Variants in SNX29 observed in about 807,000 individuals in gnomAD.
SNX29 encodes the protein sorting nexin 29.
In SNX29, 78 loss-of-function variants were observed where a neutral mutation model predicts 102.1. That is an observed-to-expected ratio of 0.76 (90% CI 0.64 to 0.92). SNX29 has a LOEUF of 0.92. SNX29 is among the 40% of genes least tolerant of loss of function. The pLI is 0.00. For missense variants in SNX29, 1,280 were observed against 1,061.7 expected (o/e 1.21, Z -2.86); for synonymous variants, 580 against 414.5 (o/e 1.40, Z -4.85).
intron 1 of SNX29, among the ~76,000 whole-genome samples, chr16:11,997,168 A>C (rs550688853): frequency 2.6e-5 from 4 of 151,746 alleles, no homozygotes; most frequent in African/African-American, 9.7e-5. Flanking sequence ...CTTTCCTTCC[A>C]CTTTTTTGCT....
chr16:12,126,716 TGAG>T lies in SNX29; in HGVS notation c.1466+23_1466+25del. ...GAACAGGTACCGTGATTTTCAGGCT[TGAG>T]GAATAGCCTCTTTCTTTGACATTCT... On this transcript the variant is annotated intron_variant, in intron 12 of 20. Coordinates refer to ENST00000566228, the MANE Select transcript of SNX29 (RefSeq NM_032167.5). 1 of 1,613,276 alleles carries T rather than the reference TGAG, an allele frequency of 6.2e-7. No individual in the cohort carries two copies. Among genetic ancestry groups the T allele is most frequent in the South Asian group, 1.1e-5 (1 of 90,884 alleles).
chr16:12,176,459 C>T (rs111419905), intron 13 of SNX29, among the ~76,000 whole-genome samples: 1 of 152,270 alleles, frequency 6.6e-6, no homozygotes, highest in East Asian at 1.9e-4. Flanking sequence ...TCCATAGATT[C>T]AACCAACTGC....
chr16:12,121,879 A>G (rs959303200), intron 11 of SNX29, among the ~76,000 whole-genome samples: 3 of 151,874 alleles, frequency 2.0e-5, no homozygotes, highest in Non-Finnish European at 4.4e-5. Context: ...GCTCACTGCA[A>G]CCTCCACCTC....
chr16:12,238,144 T>A (rs1026798281), intron 14 of SNX29, among the ~76,000 whole-genome samples: 1 of 151,958 alleles, frequency 6.6e-6, no homozygotes, highest in Non-Finnish European at 1.5e-5. Context: ...CTTTTAAAAA[T>A]CATTGTGGTA....
intron 3 of SNX29, among the ~76,000 whole-genome samples, chr16:12,003,528 C>G (rs926954930): frequency 6.6e-6 from 1 of 152,100 alleles, no homozygotes; most frequent in African/African-American, 2.4e-5. Flanking sequence ...TATGTTATAA[C>G]AAGAGCAGGA....
intron 8 of SNX29, among the ~76,000 whole-genome samples, chr16:12,056,218 A>T (rs2050515324): frequency 1.3e-5 from 2 of 152,180 alleles, no homozygotes; most frequent in South Asian, 2.1e-4. Context: ...CTTTGAGGAG[A>T]TGCTGCTTGC....
chr16:12,511,258 C>G (rs1169518225), intron 19 of SNX29, among the ~76,000 whole-genome samples: 1 of 152,198 alleles, frequency 6.6e-6, no homozygotes, highest in Non-Finnish European at 1.5e-5. Flanking sequence ...AGAGGCAGGA[C>G]AGCCTCATAC....
intron 20 of SNX29, among the ~76,000 whole-genome samples, chr16:12,539,124 T>C (rs1007601795): frequency 6.6e-6 from 1 of 151,754 alleles, no homozygotes; most frequent in Non-Finnish European, 1.5e-5. Flanking sequence ...TCACAAAAAA[T>C]TTTTAATTTA....
At chr16:12,121,092 C>T (rs1011112448) in intron 11 of SNX29, among the ~76,000 whole-genome samples, 1 of 152,206 alleles carries the variant, frequency 6.6e-6, no homozygotes, top group African/African-American at 2.4e-5. Context: ...CGCATCTTAC[C>T]TTTGATCATT....
At chr16:11,990,822 C>T (rs965220199) in intron 1 of SNX29, among the ~76,000 whole-genome samples, 2 of 152,144 alleles carry the variant, frequency 1.3e-5, no homozygotes, top group South Asian at 4.1e-4. Context: ...ACCATCTAAC[C>T]GCACGGTGGC....
intron 19 of SNX29, among the ~76,000 whole-genome samples, chr16:12,524,468 C>T (rs1310257817): frequency 4.6e-5 from 7 of 151,462 alleles, no homozygotes. Context: ...AGGAACACAC[C>T]AGATAGAGGT....
chr16:12,105,199 C>CCCTT (rs2053180143), intron 11 of SNX29, among the ~76,000 whole-genome samples: 1 of 135,882 alleles, frequency 7.4e-6, no homozygotes, highest in African/African-American at 2.6e-5. Context: ...CTTCCTTCCT[C>CCCTT]CCTTCCTCCC....
chr16:12,561,888 G>T lies in SNX29; in HGVS notation c.2319-6618G>T, dbSNP rs145434061. Among the ~76,000 whole-genome samples the T allele has an allele frequency of 2.3e-3, 344 of 152,280 alleles. 17 individuals are homozygous for T. The East Asian group carries it at 0.051, about 23-fold the overall frequency. ...CTTATGGGCTGTCTCCTAGGTGACC[G>T]TGGCATCCCAGGAGTTCCTTCTCCA... On this transcript the variant is annotated intron_variant, in intron 20 of 20. Coordinates refer to ENST00000566228, the MANE Select transcript of SNX29 (RefSeq NM_032167.5).
At position 12,031,904 on chromosome 16, in the gene SNX29, G is replaced by A. The variant is rs1408595157; in HGVS notation, c.247+4460G>A. On this transcript the variant is annotated intron_variant, in intron 4 of 20. Transcript: ENST00000566228. ...TTGAAGTGTACAATTCAGTGTAAGTGTACTTAATGTACATTCACATGTCAT... is the reference window on the plus strand; with the variant it reads ...TTGAAGTGTACAATTCAGTGTAAGTATACTTAATGTACATTCACATGTCAT... 2.6e-5 allele frequency among the ~76,000 whole-genome samples: 4 copies of A among 152,200 alleles called. No homozygotes were observed. In the East Asian group the frequency reaches 7.7e-4, roughly 29 times the overall value.
At chr16:12,469,495 T>C (rs1368570289) in intron 18 of SNX29, among the ~76,000 whole-genome samples, 4 of 152,336 alleles carry the variant, frequency 2.6e-5, no homozygotes, top group African/African-American at 9.6e-5. Context: ...ATCGTTGTTA[T>C]CCTCATGTCA....
chr16:12,526,590 C>T (rs749500311), intron 20 of SNX29: 95 of 531,358 alleles, frequency 1.8e-4, no homozygotes, highest in East Asian at 2.8e-4. Flanking sequence ...CGATAGTTCA[C>T]GTGAGGAGTT....
intron 15 of SNX29, among the ~76,000 whole-genome samples, chr16:12,287,453 T>A (rs1183440196): frequency 6.6e-6 from 1 of 152,210 alleles, no homozygotes; most frequent in East Asian, 1.9e-4. Flanking sequence ...ATCACCCTAC[T>A]TCAATAGTTA....
At chr16:12,355,114 C>A (rs1178641775) in intron 15 of SNX29, among the ~76,000 whole-genome samples, 1 of 152,122 alleles carries the variant, frequency 6.6e-6, no homozygotes, top group African/African-American at 2.4e-5. Context: ...TAAGTGGCTT[C>A]TCTCACTGAT....
At chr16:12,393,486 G>A (rs2083612671) in intron 16 of SNX29, among the ~76,000 whole-genome samples, 1 of 144,156 alleles carries the variant, frequency 6.9e-6, no homozygotes, top group South Asian at 2.2e-4. Flanking sequence ...GCTGCAGTGT[G>A]TCATGGTGAA....
Sources: gnomAD v4.1 joint callset for allele counts (sites outside exome capture counted in the v4.1 genomes callset) on GRCh38, gnomAD v4.1.1 for gene constraint, MANE v1.5 for transcripts, NCBI Gene and HGNC (gene_info 2026-07-23, HGNC 2026-07-21) for gene names.